The following ELOVL5 variants were observed in gnomAD, a reference collection of about 807,000 sequenced individuals.
The protein encoded by ELOVL5 is very long chain fatty acid elongase 5.
A neutral mutation model predicts 38.6 loss-of-function variants in ELOVL5; 8 were observed. That is an observed-to-expected ratio of 0.21 (90% CI 0.12 to 0.37). The LOEUF is 0.37. Ranked by LOEUF, ELOVL5 falls within the 10% of genes least tolerant of loss-of-function variation. ELOVL5 has a pLI of 1.00. For synonymous variants in ELOVL5, 127 were observed against 133.7 expected, an observed-to-expected ratio of 0.95 and a Z score of 0.34; for missense variants, 280 against 367.8, an observed-to-expected ratio of 0.76 and a Z score of 1.95.
Position 53,269,026 on chromosome 6 carries a change from A to G in ELOVL5, c.*101T>C. 1 of 1,367,178 alleles carries G rather than the reference A, an allele frequency of 7.3e-7. No individual in the cohort carries two copies. The highest frequency in any genetic ancestry group is 1.0e-6 in the Non-Finnish European group (1 of 990,408). 84.7% of individuals were successfully genotyped at this position (1,367,178 alleles called of 1,614,324 possible). On this transcript the variant is annotated 3_prime_UTR_variant, in exon 8 of 8. Transcript: ENST00000304434. ...AGTCCTACATGAATCACACTATTGT[A>G]GGCCAGACTAGTTACAGCAGCTGTT...
chr6:53,273,199 G>A (rs746398884), intron 6 of ELOVL5, 21 bp downstream of exon 6: 3 of 1,613,154 alleles, frequency 1.9e-6, no homozygotes, highest in Non-Finnish European at 2.5e-6. Context: ...AAGTCCTGGG[G>A]AAAGAGGCCA....
Position 53,284,411 on chromosome 6 carries a change from T to C in ELOVL5, c.246+7365A>G, listed in dbSNP as rs529695646. On this transcript the variant is annotated intron_variant, in intron 3 of 7. Transcript: ENST00000304434. ...AGGTCCCTGGTATTGTTTAGGAGAA[T>C]AGAAATACTGACTCAACTGAAACTG... Among the ~76,000 whole-genome samples the C allele has an allele frequency of 8.6e-5, 13 of 152,026 alleles. No individual in the cohort carries two copies. The East Asian group carries it at 1.9e-3, about 23-fold the overall frequency.
In ELOVL5 at chr6:53,272,265, T is replaced by C. The variant is rs114693399; in HGVS notation, c.621+955A>G. On this transcript the variant is annotated intron_variant, in intron 6 of 7. Coordinates refer to ENST00000304434, the MANE Select transcript of ELOVL5 (RefSeq NM_021814.5). ...CCCTCAGTCAGCTAGCTTTGGCCTA[T>C]TGACTCAGTGTCATCTATAAAATAG... 2.4e-3 allele frequency among the ~76,000 whole-genome samples: 359 copies of C among 152,336 alleles called. 2 individuals are homozygous for C. Among genetic ancestry groups the C allele is most frequent in the African/African-American group, 8.2e-3 (342 of 41,570 alleles).
chr6:53,323,576 C>CTTTTTTTT (rs3063792), intron 1 of ELOVL5, among the ~76,000 whole-genome samples: 21 of 81,532 alleles, frequency 2.6e-4, no homozygotes, highest in South Asian at 1.1e-3. Context: ...TACTAGCCAG[C>CTTTTTTTT]TTTTTTTTTT....
At chr6:53,284,947 C>T (rs1383917106) in intron 3 of ELOVL5, among the ~76,000 whole-genome samples, 2 of 152,184 alleles carry the variant, frequency 1.3e-5, no homozygotes, top group African/African-American at 4.8e-5. Flanking sequence ...GCTCCACAGA[C>T]TTGCTGTTCC....
intron 3 of ELOVL5, among the ~76,000 whole-genome samples, chr6:53,285,173 T>C (rs1766520805): frequency 6.6e-6 from 1 of 152,220 alleles, no homozygotes; most frequent in Non-Finnish European, 1.5e-5. Context: ...CGTACCAGGT[T>C]AGCCACGTTG....
chr6:53,287,949 C>A, intron 3 of ELOVL5: 2 of 1,535,452 alleles, frequency 1.3e-6, no homozygotes, highest in Non-Finnish European at 1.7e-6. Flanking sequence ...TGGACTGTAA[C>A]AAACACAATT....
chr6:53,276,695 C>T (rs867568213), intron 3 of ELOVL5, among the ~76,000 whole-genome samples: 9 of 152,192 alleles, frequency 5.9e-5, no homozygotes, highest in Middle Eastern at 3.4e-3. Flanking sequence ...ACATGGGTCC[C>T]TGGGGGTGTT....
chr6:53,275,240 A>G lies in ELOVL5; in HGVS notation c.346T>C (p.Tyr116His). 1 of 1,614,192 alleles carries G rather than the reference A, an allele frequency of 6.2e-7. No individual in the cohort carries two copies. The highest frequency in any genetic ancestry group is 8.5e-7 in the Non-Finnish European group (1 of 1,180,014). Reference sequence around the variant, plus strand: ...AATTCTATGAGTTTGGAGAAGTAGTACCACCAGAGGACACGGATAATCTAA... The same window carrying G: ...AATTCTATGAGTTTGGAGAAGTAGTGCCACCAGAGGACACGGATAATCTAA... ...DMKIIRVLWW[Y>H]YFSKLIEFMD... Residue 116 changes from tyrosine to histidine, a missense_variant, in exon 5 of 8, where the codon TAC (tyrosine) becomes CAC (histidine). Tyr to His is a moderately conservative substitution (Grantham distance 83, BLOSUM62 2). Around this residue, in one of 3 missense-constraint regions of ELOVL5, gnomAD observed 150 missense variants for 178.0 expected, o/e 0.84. Transcript: ENST00000304434.
chr6:53,292,143 T>C (rs1412898356), intron 2 of ELOVL5, among the ~76,000 whole-genome samples, 180 bp from the exon 3 acceptor site: 1 of 152,192 alleles, frequency 6.6e-6, no homozygotes. Flanking sequence ...TGAAGCTCCT[T>C]GTTACATGCT....
chr6:53,313,740 C>CAA (rs35172148), intron 1 of ELOVL5, among the ~76,000 whole-genome samples: 4 of 151,930 alleles, frequency 2.6e-5, no homozygotes, highest in East Asian at 1.9e-4. Flanking sequence ...ATTATAAAAA[C>CAA]AAAAAAACTG....
chr6:53,313,701 G>A (rs1238085817), intron 1 of ELOVL5, among the ~76,000 whole-genome samples: 1 of 151,286 alleles, frequency 6.6e-6, no homozygotes, highest in Non-Finnish European at 1.5e-5. Flanking sequence ...AGATGTTTTT[G>A]AAAATGAAAA....
At chr6:53,321,086 T>C (rs1768287047) in intron 1 of ELOVL5, among the ~76,000 whole-genome samples, 2 of 152,338 alleles carry the variant, frequency 1.3e-5, no homozygotes, top group Middle Eastern at 6.8e-3. Context: ...AGCTCATCCA[T>C]GCTTGTGATA....
intron 1 of ELOVL5, among the ~76,000 whole-genome samples, chr6:53,347,068 T>C (rs887011574): frequency 5.3e-5 from 8 of 152,194 alleles, no homozygotes; most frequent in African/African-American, 1.9e-4. Flanking sequence ...ATATCTGAAG[T>C]TACAAGATAT....
chr6:53,299,791 C>T (rs566983023), intron 1 of ELOVL5, among the ~76,000 whole-genome samples: 93 of 152,262 alleles, frequency 6.1e-4, no homozygotes, highest in African/African-American at 2.0e-3. Context: ...CAAAAGCACA[C>T]GCAAGAAACG....
At position 53,284,314 on chromosome 6, in the gene ELOVL5, TA is replaced by T. The variant is rs139076867; in HGVS notation, c.246+7461del. On this transcript the variant is annotated intron_variant, in intron 3 of 7. Transcript: ENST00000304434. ...GAGCAAGACCATCTTTTTTTTTTTTTAAAAAAAAAGGTAGAAATAACTCCTG... is the reference window on the plus strand; with the variant it reads ...GAGCAAGACCATCTTTTTTTTTTTTTAAAAAAAAGGTAGAAATAACTCCTG... Among the ~76,000 whole-genome samples, 1,301 of 138,884 alleles carry T rather than the reference TA, an allele frequency of 9.4e-3. 15 individuals are homozygous for T. The highest frequency in any genetic ancestry group is 0.028 in the African/African-American group (1,098 of 38,828). 91.1% of individuals were successfully genotyped at this position (138,884 alleles called of 152,430 possible). A position where few individuals can be genotyped will look rare whatever the true frequency, so the allele number is the denominator to read the frequency against.
intron 3 of ELOVL5, among the ~76,000 whole-genome samples, chr6:53,281,871 G>A (rs1361043922): frequency 6.6e-6 from 1 of 150,916 alleles, no homozygotes; most frequent in Non-Finnish European, 1.5e-5. Flanking sequence ...CTGGGTTATA[G>A]CTGAACGTAA....
At chr6:53,293,929 C>T (rs576427888) in intron 2 of ELOVL5, among the ~76,000 whole-genome samples, 3 of 152,112 alleles carry the variant, frequency 2.0e-5, no homozygotes, top group Admixed American at 6.6e-5. Context: ...AATGGCTGGC[C>T]CCAGGGACTT....
intron 1 of ELOVL5, among the ~76,000 whole-genome samples, chr6:53,314,970 T>C (rs1376755766): frequency 6.6e-6 from 1 of 152,226 alleles, no homozygotes; most frequent in Non-Finnish European, 1.5e-5. Context: ...TCTCCAATGA[T>C]TTTTTTCACA....
Sources: gnomAD v4.1 joint callset for allele counts (sites outside exome capture counted in the v4.1 genomes callset) on GRCh38, gnomAD v4.1.1 for gene constraint, gnomAD v4.1.1 regional missense constraint, MANE v1.5 for transcripts, NCBI Gene and HGNC (gene_info 2026-07-23, HGNC 2026-07-21) for gene names.